ZIC1: variants seen among roughly 807,000 people sequenced by gnomAD.
The protein encoded by ZIC1 is Zic family zinc finger 1, also known as zinc finger protein ZIC 1.
A neutral mutation model predicts 30.9 loss-of-function variants in ZIC1; 4 were observed. The observed-to-expected ratio is 0.13, with a 90% CI of 0.06 to 0.30. The LOEUF is 0.30. ZIC1 is among the 10% of genes least tolerant of loss of function. The probability of loss-of-function intolerance (pLI) is 1.00; values close to 1 mark genes in which losing one functional copy is unlikely to be tolerated. For synonymous variants in ZIC1, 305 were observed against 277.5 expected (o/e 1.10, Z -0.98); for missense variants, 441 against 639.3 (o/e 0.69, Z 3.34).
rs1019482206 is a variant in ZIC1 at position 147,413,686 on chromosome 3, C to T, written c.*135C>T. On this transcript the variant is annotated 3_prime_UTR_variant, in exon 3 of 3. Coordinates refer to ENST00000282928, the MANE Select transcript of ZIC1 (RefSeq NM_003412.4). ...CGCAATCCTTTTTTAAAAAATCTGC[C>T]AATAGACCCAGGACGAGTAAGAGAG... 4.0e-6 allele frequency: 4 copies of T among 992,888 alleles called. No individual in the cohort carries two copies. Among genetic ancestry groups the T allele is most frequent in the Non-Finnish European group, 4.3e-6 (3 of 702,018 alleles). The allele number at this position is 992,888 out of a possible 1,614,324, so 61.5% of individuals were successfully genotyped here.
chr3:147,413,653 A>C lies in ZIC1; in HGVS notation c.*102A>C. On this transcript the variant is annotated 3_prime_UTR_variant, in exon 3 of 3. Coordinates refer to ENST00000282928, the MANE Select transcript of ZIC1 (RefSeq NM_003412.4). ...CCCTGCGAATCAAAACAACCCCCAC[A>C]CAGACCCCGCAATCCTTTTTTAAAA... 5 of 1,318,966 alleles carry C rather than the reference A, an allele frequency of 3.8e-6. No homozygotes were observed. Among genetic ancestry groups the C allele is most frequent in the Non-Finnish European group, 5.1e-6 (5 of 972,648 alleles). The allele number at this position is 1,318,966 out of a possible 1,614,324, so 81.7% of individuals were successfully genotyped here.
rs199986242 is a variant in ZIC1 at position 147,411,828 on chromosome 3, T to TA, written c.983-677dup. 4.4e-3 allele frequency among the ~76,000 whole-genome samples: 640 copies of TA among 144,410 alleles called. 5 individuals are homozygous for TA. The highest frequency in any genetic ancestry group is 7.7e-3 in the African/African-American group (300 of 39,076). 94.7% of individuals were successfully genotyped at this position (144,410 alleles called of 152,430 possible). ...AATCAAGACACAGGTCCGGAACAGT[T>TA]AAAAAAAAAAAAAGTTCCCACGAGC... On this transcript the variant is annotated intron_variant, in intron 1 of 2. Coordinates refer to ENST00000282928, the MANE Select transcript of ZIC1 (RefSeq NM_003412.4).
chr3:147,412,753 G>A, intron 2 of ZIC1, 72 bp downstream of exon 2: 2 of 1,555,326 alleles, frequency 1.3e-6, no homozygotes, highest in South Asian at 1.2e-5. Flanking sequence ...GTCGGGCGGC[G>A]AGTGGCAGAC....
Position 147,410,584 on chromosome 3 carries a change from G to T in ZIC1, c.472G>T (p.Val158Leu), listed in dbSNP as rs1488652699. ...GGCTGCCGGCCACGCGTCGCCTAAC[G>T]TGGTCAACGGGCAGATGAGGCTCGG... is the stretch of plus-strand genomic sequence containing the variant. Reference protein sequence around the residue: ...EQAAGHASPNVVNGQMRLGFS... With the variant: ...EQAAGHASPNLVNGQMRLGFS... Residue 158 changes from valine to leucine, a missense_variant, in exon 1 of 3, where the codon GTG becomes TTG. Physicochemically the swap from Val to Leu is conservative, Grantham distance 32. Transcript: ENST00000282928. The T allele has an allele frequency of 1.2e-6, 2 of 1,612,998 alleles. No individual in the cohort carries two copies. Among genetic ancestry groups the T allele is most frequent in the East Asian group, 2.2e-5 (1 of 44,864 alleles).
rs766478671 is a variant in ZIC1, at chr3:147,413,590, G to T, written c.*39G>T. The T allele has an allele frequency of 1.2e-5, 20 of 1,608,496 alleles. No homozygotes were observed. The highest frequency in any genetic ancestry group is 1.7e-4 in the Middle Eastern group (1 of 6,060). ...ACATCGAACAAAACCCTATTTAAGA[G>T]ACTGATCACACACGTATACACAACA... is the stretch of plus-strand genomic sequence containing the variant. On this transcript the variant is annotated 3_prime_UTR_variant, in exon 3 of 3. Coordinates refer to ENST00000282928, the MANE Select transcript of ZIC1 (RefSeq NM_003412.4).
At chr3:147,412,119 C>A (rs1276983402) in intron 1 of ZIC1, among the ~76,000 whole-genome samples, 1 of 151,006 alleles carries the variant, frequency 6.6e-6, no homozygotes, top group Non-Finnish European at 1.5e-5. Context: ...GGGGAGGGGG[C>A]AGGGGGAGGA....
At position 147,410,000 on chromosome 3, in the gene ZIC1, TTCTTCCTCC is replaced by T. The variant is rs1328503704; in HGVS notation, c.-101_-93del. On this transcript the variant is annotated 5_prime_UTR_variant, in exon 1 of 3. Coordinates refer to ENST00000282928, the MANE Select transcript of ZIC1 (RefSeq NM_003412.4). ...GGTCGACTCCCCCTCCCTCCTCCTCTTCTTCCTCCTCTTCCTCCTCCTCTTGTTCCTCCT... is the reference window on the plus strand; with the variant it reads ...GGTCGACTCCCCCTCCCTCCTCCTCTTCTTCCTCCTCCTCTTGTTCCTCCT... 6 of 1,202,580 alleles carry T rather than the reference TTCTTCCTCC, an allele frequency of 5.0e-6. No individual in the cohort carries two copies. The highest frequency in any genetic ancestry group is 6.7e-6 in the Non-Finnish European group (6 of 901,912). 74.5% of individuals were successfully genotyped at this position (1,202,580 alleles called of 1,614,324 possible).
chr3:147,409,950 CT>C lies in ZIC1; in HGVS notation c.-162del. 1 of 764,874 alleles carries C rather than the reference CT, an allele frequency of 1.3e-6. No individual in the cohort carries two copies. Among genetic ancestry groups the C allele is most frequent in the Non-Finnish European group, 1.9e-6 (1 of 518,602 alleles). The allele number at this position is 764,874 out of a possible 1,614,324, so 47.4% of individuals were successfully genotyped here. A position where few individuals can be genotyped will look rare whatever the true frequency, so the allele number is the denominator to read the frequency against. ...GCGCCCGGGCGCGCCGCGCCATTGCCTGCAGGCTAGGACTTCGCGAGGTGGG... is the reference window on the plus strand; with the variant it reads ...GCGCCCGGGCGCGCCGCGCCATTGCCGCAGGCTAGGACTTCGCGAGGTGGG... On this transcript the variant is annotated 5_prime_UTR_variant, in exon 1 of 3. Transcript: ENST00000282928.
rs749254894 is a variant in ZIC1 at position 147,410,766 on chromosome 3, C to T, written c.654C>T (p.Arg218=). The T allele has an allele frequency of 1.2e-6, 2 of 1,614,248 alleles. No homozygotes were observed. Among genetic ancestry groups the T allele is most frequent in the East Asian group, 2.2e-5 (1 of 44,874 alleles). Reference sequence around the variant, plus strand: ...CCGGCGCCTTCTTCCGCTACATGCGCCAACCCATCAAGCAAGAGCTCATCT... The same window carrying T: ...CCGGCGCCTTCTTCCGCTACATGCGTCAACCCATCAAGCAAGAGCTCATCT... ...HGAGAFFRYM[R]QPIKQELICK... is the part of the protein sequence containing the mutation. Residue 218 remains arginine (R), a synonymous_variant, in exon 1 of 3, where the codon CGC becomes CGT. Coordinates refer to ENST00000282928, the MANE Select transcript of ZIC1 (RefSeq NM_003412.4).
rs756452709 is a variant in ZIC1 at position 147,410,071 on chromosome 3, G to A, written c.-42G>A. 2 of 1,422,238 alleles carry A rather than the reference G, an allele frequency of 1.4e-6. No individual in the cohort carries two copies. The highest frequency in any genetic ancestry group is 2.7e-5 in the East Asian group (1 of 36,506). The allele number at this position is 1,422,238 out of a possible 1,614,324, so 88.1% of individuals were successfully genotyped here. The stretch of plus-strand genomic sequence containing the variant: ...TTTTCCCTCCTCGGCTGGCGAGGGT[G>A]GGGGGGGCGGGGGAGGCCGGGGCTC... On this transcript the variant is annotated 5_prime_UTR_variant, in exon 1 of 3. Coordinates refer to ENST00000282928, the MANE Select transcript of ZIC1 (RefSeq NM_003412.4).
At chr3:147,413,237 C>G in intron 2 of ZIC1, 117 bp from the exon 3 acceptor site, 1 of 1,100,282 alleles carries the variant, frequency 9.1e-7, no homozygotes, top group East Asian at 2.5e-5. Context: ...TCGGGCCTCA[C>G]CTGTGTTCAG....
At position 147,415,853 on chromosome 3, in the gene ZIC1, T is replaced by C. The variant is rs1415268863; in HGVS notation, c.*2302T>C. 2 of 151,866 alleles carry C rather than the reference T, an allele frequency of 1.3e-5. No individual in the cohort carries two copies. Among genetic ancestry groups the C allele is most frequent in the Non-Finnish European group, 2.9e-5 (2 of 67,864 alleles). The allele number at this position is 151,866 out of a possible 1,614,324, so 9.4% of individuals were successfully genotyped here. On this transcript the variant is annotated 3_prime_UTR_variant, in exon 3 of 3. Coordinates refer to ENST00000282928, the MANE Select transcript of ZIC1 (RefSeq NM_003412.4). The stretch of plus-strand genomic sequence containing the variant: ...AATCCTTTGTTGACTTGTCTTTTCA[T>C]CTCTTGCTATTTATATTTGTCACTG...
chr3:147,411,883 C>T (rs1038469046), intron 1 of ZIC1, among the ~76,000 whole-genome samples: 2 of 151,764 alleles, frequency 1.3e-5, no homozygotes, highest in African/African-American at 4.8e-5. Flanking sequence ...TCAGACAAAA[C>T]ATTCTGGGCC....
At chr3:147,413,282 C>G in intron 2 of ZIC1, 72 bp from the exon 3 acceptor site, 1 of 1,523,620 alleles carries the variant, frequency 6.6e-7, no homozygotes, top group South Asian at 1.3e-5. Context: ...AGGGCACTCG[C>G]GGCCTTCGCC....
intron 1 of ZIC1, among the ~76,000 whole-genome samples, chr3:147,412,102 G>A (rs1422947412): frequency 6.6e-6 from 1 of 151,994 alleles, no homozygotes; most frequent in Non-Finnish European, 1.5e-5. Context: ...AGGGGATGCG[G>A]AGCGTCGGGG....
In ZIC1 at chr3:147,410,475, T is replaced by C. The variant is rs2087360521; in HGVS notation, c.363T>C (p.Phe121=). 2 of 1,606,082 alleles carry C rather than the reference T, an allele frequency of 1.2e-6. No individual in the cohort carries two copies. Among genetic ancestry groups the C allele is most frequent in the Non-Finnish European group, 1.7e-6 (2 of 1,179,136 alleles). Residue 121 remains phenylalanine (F), a synonymous_variant, in exon 1 of 3, where the codon TTT becomes TTC. Transcript: ENST00000282928. ...AAAASAQHSL[F]AASAGGFGGP... Reference sequence around the variant, plus strand: ...CAGCCAGCGCACAGCACAGCCTCTTTGCTGCATCGGCCGGGGGCTTCGGGG... The same window carrying C: ...CAGCCAGCGCACAGCACAGCCTCTTCGCTGCATCGGCCGGGGGCTTCGGGG...
In ZIC1 at chr3:147,409,895, C is replaced by G; in HGVS notation, c.-218C>G. The G allele has an allele frequency of 1.9e-6, 1 of 533,630 alleles. No individual in the cohort carries two copies. Among genetic ancestry groups the G allele is most frequent in the Non-Finnish European group, 3.2e-6 (1 of 312,840 alleles). 33.1% of individuals were successfully genotyped at this position (533,630 alleles called of 1,614,324 possible). Reference sequence around the variant, plus strand: ...GCCTGCGTTACTCGCGGCCCGCAGCCGTCCGGCTACTTTGCGTTTGGCCCG... The same window carrying G: ...GCCTGCGTTACTCGCGGCCCGCAGCGGTCCGGCTACTTTGCGTTTGGCCCG... On this transcript the variant is annotated 5_prime_UTR_variant, in exon 1 of 3. Coordinates refer to ENST00000282928, the MANE Select transcript of ZIC1 (RefSeq NM_003412.4).
Position 147,412,687 on chromosome 3 carries a change from CG to C in ZIC1, c.1146+7del, listed in dbSNP as rs780340667. 1 of 1,606,304 alleles carries C rather than the reference CG, an allele frequency of 6.2e-7. No homozygotes were observed. The highest frequency in any genetic ancestry group is 1.1e-5 in the South Asian group (1 of 90,850). ...CGCTGCGCAAACACATGAAGGTAATCGCCGCACTCTCGTCGCCCCCTTTGAG... is the reference window on the plus strand; with the variant it reads ...CGCTGCGCAAACACATGAAGGTAATCCCGCACTCTCGTCGCCCCCTTTGAG... On this transcript the variant is annotated splice_region_variant and intron_variant, in intron 2 of 2. Coordinates refer to ENST00000282928, the MANE Select transcript of ZIC1 (RefSeq NM_003412.4).
rs761137004 is a variant in ZIC1 at position 147,410,605 on chromosome 3, C to A, written c.493C>A (p.Leu165Ile). 17 of 1,613,332 alleles carry A rather than the reference C, an allele frequency of 1.1e-5. No individual in the cohort carries two copies. Among genetic ancestry groups the A allele is most frequent in the Non-Finnish European group, 1.4e-5 (17 of 1,179,870 alleles). ...SPNVVNGQMR[L>I]GFSGDMYPRP... ...TAACGTGGTCAACGGGCAGATGAGG[C>A]TCGGCTTCTCGGGGGACATGTACCC... Residue 165 changes from leucine (L) to isoleucine (I), a missense_variant, in exon 1 of 3, where the codon CTC (leucine) becomes ATC (isoleucine). Physicochemically the swap from Leu to Ile is conservative, Grantham distance 5. Coordinates refer to ENST00000282928, the MANE Select transcript of ZIC1 (RefSeq NM_003412.4).
Sources: gnomAD v4.1 joint callset for allele counts (sites outside exome capture counted in the v4.1 genomes callset) on GRCh38, gnomAD v4.1.1 for gene constraint, MANE v1.5 for transcripts, NCBI Gene and HGNC (gene_info 2026-07-23, HGNC 2026-07-21) for gene names.